Variants in CNTN1 observed in about 807,000 individuals in gnomAD.
CNTN1 encodes contactin 1.
A neutral mutation model predicts 126.4 loss-of-function variants in CNTN1; 38 were observed. That is an observed-to-expected ratio of 0.30 (90% CI 0.23 to 0.39). CNTN1 has a LOEUF of 0.39. CNTN1 is among the 10% of genes least tolerant of loss of function. The pLI, the probability that CNTN1 is intolerant of heterozygous loss-of-function variation, is 1.00. For missense variants in CNTN1, 1,009 were observed against 1,248.4 expected, an observed-to-expected ratio of 0.81 and a Z score of 2.89; for synonymous variants, 413 against 422.6, an observed-to-expected ratio of 0.98 and a Z score of 0.28.
chr12:41,032,176 G>C (rs929989080), intron 23 of CNTN1, among the ~76,000 whole-genome samples: 1 of 152,068 alleles, frequency 6.6e-6, no homozygotes, highest in African/African-American at 2.4e-5. Context: ...TTGCCTCCCA[G>C]TGTTGGCCTC....
At chr12:40,976,437 G>A (rs1947674634) in intron 15 of CNTN1, among the ~76,000 whole-genome samples, 3 of 151,688 alleles carry the variant, frequency 2.0e-5, no homozygotes, top group South Asian at 4.2e-4. Context: ...GGAGATATCA[G>A]TAAAGTAATA....
At chr12:40,736,603 A>G (rs1937695813) in intron 1 of CNTN1, among the ~76,000 whole-genome samples, 3 of 152,130 alleles carry the variant, frequency 2.0e-5, no homozygotes, top group Admixed American at 1.3e-4. Flanking sequence ...ATGAAGACCT[A>G]TGGTATACAA....
intron 1 of CNTN1, among the ~76,000 whole-genome samples, chr12:40,734,026 GT>G (rs1223499800): frequency 4.6e-5 from 7 of 152,032 alleles, no homozygotes; most frequent in Admixed American, 4.6e-4. Context: ...AAAAGTAAGT[GT>G]TGACTGATTA....
intron 23 of CNTN1, among the ~76,000 whole-genome samples, chr12:41,048,381 C>T (rs910629196): frequency 2.0e-5 from 3 of 152,116 alleles, no homozygotes; most frequent in Non-Finnish European, 4.4e-5. Context: ...TAGTCAATGA[C>T]CTTGCTTCCT....
chr12:41,016,548 G>C (rs1948785316), intron 18 of CNTN1, 134 bp from the exon 19 acceptor site: 1 of 678,636 alleles, frequency 1.5e-6, no homozygotes, highest in Admixed American at 2.3e-5. Flanking sequence ...TCTGACATTT[G>C]GAACCAGCAC....
chr12:40,908,396 T>G lies in CNTN1; in HGVS notation c.-37T>G. The G allele has an allele frequency of 6.3e-7, 1 of 1,589,294 alleles. No homozygotes were observed. Among genetic ancestry groups the G allele is most frequent in the Non-Finnish European group, 8.6e-7 (1 of 1,158,378 alleles). Reference sequence around the variant, plus strand: ...CCAACTGCCATAGAGCTAAATTCTTTTTTGGAAAATTGAACCGAACTTCTA... The same window carrying G: ...CCAACTGCCATAGAGCTAAATTCTTGTTTGGAAAATTGAACCGAACTTCTA... On this transcript the variant is annotated 5_prime_UTR_variant, in exon 2 of 24. Coordinates refer to ENST00000551295, the MANE Select transcript of CNTN1 (RefSeq NM_001843.4).
intron 9 of CNTN1, among the ~76,000 whole-genome samples, chr12:40,934,864 C>CT (rs1050383871): frequency 1.8e-4 from 27 of 151,826 alleles, no homozygotes; most frequent in Admixed American, 9.9e-4. Flanking sequence ...CTCAGTTGTA[C>CT]TTTTTTTTGA....
intron 20 of CNTN1, 152 bp from the exon 21 acceptor site, chr12:41,024,998 C>G: frequency 1.2e-6 from 1 of 809,192 alleles, no homozygotes; most frequent in Non-Finnish European, 2.1e-6. Flanking sequence ...TTACTATATT[C>G]TAAGGCTGAT....
chr12:40,868,351 C>T (rs2136662257), intron 1 of CNTN1, among the ~76,000 whole-genome samples: 1 of 152,130 alleles, frequency 6.6e-6, no homozygotes, highest in Non-Finnish European at 1.5e-5. Context: ...AGCTTCTAAT[C>T]CAGTCTGTTA....
chr12:40,745,349 A>G (rs1938137903), intron 1 of CNTN1, among the ~76,000 whole-genome samples: 1 of 152,058 alleles, frequency 6.6e-6, no homozygotes, highest in Non-Finnish European at 1.5e-5. Context: ...AGTTTTATAC[A>G]TTTTAGGGGG....
rs370984371 is a variant in CNTN1 at position 40,707,227 on chromosome 12, C to CTTTTTTTTTTTTTTTTTTTTT, written c.-77+14654_-77+14674dup. On this transcript the variant is annotated intron_variant, in intron 1 of 23. Transcript: ENST00000551295. ...TTCCTCTTTCATTTCTTTTCTTTTT[C>CTTTTTTTTTTTTTTTTTTTTT]TTTTTTTTTTTTTTTTTTTTTTTTT... Among the ~76,000 whole-genome samples the CTTTTTTTTTTTTTTTTTTTTT allele has an allele frequency of 6.6e-4, 72 of 109,174 alleles. 4 individuals are homozygous for CTTTTTTTTTTTTTTTTTTTTT. The highest frequency in any genetic ancestry group is 4.9e-3 in the Middle Eastern group (1 of 204). 71.6% of individuals were successfully genotyped at this position (109,174 alleles called of 152,430 possible).
intron 1 of CNTN1, among the ~76,000 whole-genome samples, chr12:40,898,803 C>G (rs778699476): frequency 6.6e-6 from 1 of 152,202 alleles, no homozygotes; most frequent in African/African-American, 2.4e-5. Flanking sequence ...TCAGAAGACA[C>G]TCAGAAGTTT....
At chr12:40,766,339 G>A (rs865947334) in intron 1 of CNTN1, among the ~76,000 whole-genome samples, 50 of 143,538 alleles carry the variant, frequency 3.5e-4, no homozygotes, top group African/African-American at 1.2e-3. Context: ...CCTGGGTGAC[G>A]GAATGAAACT....
At chr12:40,884,844 C>T (rs1943978050) in intron 1 of CNTN1, among the ~76,000 whole-genome samples, 1 of 151,422 alleles carries the variant, frequency 6.6e-6, no homozygotes, top group African/African-American at 2.4e-5. Flanking sequence ...ACATTTTGCC[C>T]TTAAAATTCA....
intron 1 of CNTN1, among the ~76,000 whole-genome samples, chr12:40,723,215 G>A (rs1435270347): frequency 2.0e-5 from 3 of 152,086 alleles, no homozygotes; most frequent in African/African-American, 7.2e-5. Context: ...TTTAGACTGT[G>A]GAATTCCACA....
chr12:40,841,979 T>A (rs1249582627), intron 1 of CNTN1, among the ~76,000 whole-genome samples: 1 of 151,648 alleles, frequency 6.6e-6, no homozygotes, highest in African/African-American at 2.4e-5. Flanking sequence ...CATTGCCCCA[T>A]AAATTTATAC....
chr12:40,826,923 A>T (rs1327037832), intron 1 of CNTN1, among the ~76,000 whole-genome samples: 1 of 152,124 alleles, frequency 6.6e-6, no homozygotes, highest in Non-Finnish European at 1.5e-5. Context: ...GGAAGACATG[A>T]CTTTAGTCAT....
At chr12:41,015,924 T>C (rs1222097213) in intron 18 of CNTN1, among the ~76,000 whole-genome samples, 1 of 152,164 alleles carries the variant, frequency 6.6e-6, no homozygotes, top group East Asian at 1.9e-4. Flanking sequence ...GCACTTGCTT[T>C]AGAATTGGAG....
At chr12:40,999,513 ACTC>A (rs1948302530) in intron 17 of CNTN1, among the ~76,000 whole-genome samples, 1 of 151,886 alleles carries the variant, frequency 6.6e-6, no homozygotes, top group Admixed American at 6.6e-5. Flanking sequence ...AGAGCACCTA[ACTC>A]CTCTATTCTC....
Sources: gnomAD v4.1 joint callset for allele counts (sites outside exome capture counted in the v4.1 genomes callset) on GRCh38, gnomAD v4.1.1 for gene constraint, MANE v1.5 for transcripts, NCBI Gene and HGNC (gene_info 2026-07-23, HGNC 2026-07-21) for gene names.